CNBD1: variants seen among roughly 807,000 people sequenced by gnomAD.
The protein encoded by CNBD1 is cyclic nucleotide binding domain containing 1, also known as cyclic nucleotide-binding domain-containing protein 1.
In CNBD1, 71 loss-of-function variants were observed where a neutral mutation model predicts 54.4. The observed-to-expected ratio is 1.30, with a 90% CI of 1.08 to 1.59. CNBD1 has a LOEUF of 1.59. Ranked by LOEUF, CNBD1 falls within the 40% of genes most tolerant of loss-of-function variation. The pLI is 0.00. For missense variants in CNBD1, 659 were observed against 518.0 expected, an observed-to-expected ratio of 1.27 and a Z score of -2.64; for synonymous variants, 182 against 170.7, an observed-to-expected ratio of 1.07 and a Z score of -0.51.
At chr8:87,126,495 CTG>C (rs1178754734) in intron 4 of CNBD1, among the ~76,000 whole-genome samples, 6 of 151,878 alleles carry the variant, frequency 4.0e-5, no homozygotes, top group Admixed American at 1.3e-4. Context: ...GTTTTTTAAA[CTG>C]TTTTTTAAAT....
At chr8:87,425,321 CGTCA>C (rs1808025867) in intron 2 of CNBD1, among the ~76,000 whole-genome samples, 1 of 152,172 alleles carries the variant, frequency 6.6e-6, no homozygotes, top group Admixed American at 6.5e-5. Flanking sequence ...TCTGTCAGCT[CGTCA>C]GTCATTCTCC....
chr8:87,218,139 TC>T (rs1814253106), intron 5 of CNBD1, among the ~76,000 whole-genome samples: 1 of 152,066 alleles, frequency 6.6e-6, no homozygotes, highest in South Asian at 2.1e-4. Flanking sequence ...AGCTATTTGT[TC>T]CTCCCCACTC....
chr8:87,038,787 T>C (rs1029119755), intron 4 of CNBD1, among the ~76,000 whole-genome samples: 2 of 152,204 alleles, frequency 1.3e-5, no homozygotes, highest in African/African-American at 2.4e-5. Flanking sequence ...AAGAAGAATT[T>C]GGAGGTTAAA....
intron 10 of CNBD1, among the ~76,000 whole-genome samples, chr8:87,377,913 G>T (rs1261968837): frequency 6.7e-6 from 1 of 150,086 alleles, no homozygotes; most frequent in South Asian, 2.1e-4. Context: ...GTGATGATGA[G>T]CATTTTTTCA....
intron 4 of CNBD1, among the ~76,000 whole-genome samples, chr8:87,096,843 C>T (rs1314726292): frequency 1.3e-5 from 2 of 151,368 alleles, no homozygotes; most frequent in African/African-American, 2.4e-5. Flanking sequence ...CACCTTTAGC[C>T]TGCAAAGCTC....
At chr8:87,308,241 C>T (rs1563546158) in intron 8 of CNBD1, among the ~76,000 whole-genome samples, 1 of 152,074 alleles carries the variant, frequency 6.6e-6, no homozygotes, top group East Asian at 1.9e-4. Flanking sequence ...AACAGACCTG[C>T]CCCTAGGAAT....
At chr8:87,032,252 C>T (rs1457516106) in intron 4 of CNBD1, among the ~76,000 whole-genome samples, 3 of 152,086 alleles carry the variant, frequency 2.0e-5, no homozygotes, top group Non-Finnish European at 4.4e-5. Context: ...CGTTGACCAC[C>T]TGTGCAGTTG....
At chr8:87,057,882 C>T (rs1221748616) in intron 4 of CNBD1, among the ~76,000 whole-genome samples, 1 of 152,010 alleles carries the variant, frequency 6.6e-6, no homozygotes, top group African/African-American at 2.4e-5. Context: ...CACACACACA[C>T]AATCGTGCCT....
chr8:87,417,827 A>G (rs1346595735), intron 2 of CNBD1, among the ~76,000 whole-genome samples: 3 of 151,950 alleles, frequency 2.0e-5, no homozygotes, highest in Admixed American at 6.6e-5. Context: ...GATAGTAACA[A>G]TATACTTAGA....
chr8:87,321,818 T>TA (rs1809542354), intron 8 of CNBD1, among the ~76,000 whole-genome samples: 1 of 150,772 alleles, frequency 6.6e-6, no homozygotes, highest in Admixed American at 6.6e-5. Context: ...TTTTTTTTTT[T>TA]ATACTTTAAG....
Position 87,420,913 on chromosome 8 carries a change from T to A in CNBD1, c.214-7633T>A, listed in dbSNP as rs561651384. Among the ~76,000 whole-genome samples, 18 of 152,248 alleles carry A rather than the reference T, an allele frequency of 1.2e-4. No homozygotes were observed. In the South Asian group the frequency reaches 3.7e-3, roughly 32 times the overall value. On this transcript the variant is annotated intron_variant, in intron 2 of 7. Coordinates refer to the CNBD1 transcript ENST00000521593. ...TTGTATCTCCCTCATAACATGTTACTGATCGTGGAGTAAGCTTTCAATAAA... is the reference window on the plus strand; with the variant it reads ...TTGTATCTCCCTCATAACATGTTACAGATCGTGGAGTAAGCTTTCAATAAA...
chr8:87,354,357 G>A (rs1182881299), intron 10 of CNBD1, among the ~76,000 whole-genome samples: 1 of 151,970 alleles, frequency 6.6e-6, no homozygotes, highest in Non-Finnish European at 1.5e-5. Flanking sequence ...CCCAGGCAGG[G>A]ACCTGGGCCT....
At chr8:87,360,615 C>A (rs1240710728) in intron 10 of CNBD1, among the ~76,000 whole-genome samples, 2 of 151,890 alleles carry the variant, frequency 1.3e-5, no homozygotes, top group East Asian at 3.8e-4. Flanking sequence ...GTCTTAAATT[C>A]TCATTCCACC....
intron 3 of CNBD1, among the ~76,000 whole-genome samples, chr8:86,934,553 C>T (rs557959234): frequency 6.6e-5 from 10 of 152,254 alleles, no homozygotes; most frequent in Middle Eastern, 3.4e-3. Flanking sequence ...ATATCCATGA[C>T]GTTTCTGATT....
intron 4 of CNBD1, among the ~76,000 whole-genome samples, chr8:86,951,999 C>T (rs1021624791): frequency 6.6e-6 from 1 of 152,068 alleles, no homozygotes; most frequent in African/African-American, 2.4e-5. Flanking sequence ...CAGCAGAAAC[C>T]CTTTGCTCAC....
Position 87,411,397 on chromosome 8 carries a change from C to CATATATATATATATATATATATATAT in CNBD1, c.214-17144_214-17119dup, listed in dbSNP as rs6150689. Among the ~76,000 whole-genome samples the CATATATATATATATATATATATATAT allele has an allele frequency of 6.8e-3, 626 of 92,126 alleles. 22 individuals carry two copies. Among genetic ancestry groups the CATATATATATATATATATATATATAT allele is most frequent in the Admixed American group, 0.011 (78 of 7,246 alleles). The allele number at this position is 92,126 out of a possible 152,430, so 60.4% of individuals were successfully genotyped here. A position where few individuals can be genotyped will look rare whatever the true frequency, so the allele number is the denominator to read the frequency against. On this transcript the variant is annotated intron_variant, in intron 2 of 7. Transcript: ENST00000521593. ...ATAGGCAGGATTAACCTAGCTATAT[C>CATATATATATATATATATATATATAT]ATATATATATATATATATATATATA...
chr8:86,991,913 A>AG (rs1808758148), intron 4 of CNBD1, among the ~76,000 whole-genome samples: 1 of 151,982 alleles, frequency 6.6e-6, no homozygotes, highest in Non-Finnish European at 1.5e-5. Context: ...ATTTATTGAG[A>AG]CTTGCTTTAT....
chr8:86,965,056 C>T (rs1428761856), intron 4 of CNBD1, among the ~76,000 whole-genome samples: 1 of 152,184 alleles, frequency 6.6e-6, no homozygotes, highest in Non-Finnish European at 1.5e-5. Context: ...CACAAGTTTA[C>T]ATACAGATAC....
intron 10 of CNBD1, among the ~76,000 whole-genome samples, chr8:87,361,619 A>G (rs1288735811): frequency 6.6e-6 from 1 of 151,518 alleles, no homozygotes; most frequent in Non-Finnish European, 1.5e-5. Context: ...TACTCAAAGT[A>G]TAGATTTTGC....
Sources: allele counts gnomAD v4.1 joint callset (sites outside exome capture counted in the v4.1 genomes callset), GRCh38; gene constraint gnomAD v4.1.1; transcripts MANE v1.5; gene names NCBI Gene and HGNC (gene_info 2026-07-23, HGNC 2026-07-21).